The following PSMA1 variants were observed in gnomAD, a reference collection of about 807,000 sequenced individuals.
PSMA1 encodes the protein proteasome subunit alpha type-1.
Under a neutral mutation model 38.4 loss-of-function variants are expected in PSMA1, and 3 were observed. That is an observed-to-expected ratio of 0.08 (90% CI 0.04 to 0.20). The LOEUF (loss-of-function observed/expected upper bound fraction) is 0.20, where lower values mean the gene tolerates loss of function less well. PSMA1 is among the 10% of genes least tolerant of loss of function. PSMA1 has a pLI of 1.00. For synonymous variants in PSMA1, 101 were observed against 107.1 expected, an observed-to-expected ratio of 0.94 and a Z score of 0.35; for missense variants, 227 against 325.3, an observed-to-expected ratio of 0.70 and a Z score of 2.32.
intron 2 of PSMA1, among the ~76,000 whole-genome samples, chr11:14,597,294 G>A (rs186155460): frequency 1.3e-5 from 2 of 152,234 alleles, no homozygotes; most frequent in East Asian, 3.9e-4. Context: ...TTTTTCTATT[G>A]ATTGGAATAG....
intron 2 of PSMA1, among the ~76,000 whole-genome samples, chr11:14,610,561 A>T (rs2134198331): frequency 6.6e-6 from 1 of 152,320 alleles, no homozygotes; most frequent in East Asian, 1.9e-4. Flanking sequence ...ATAAGACCTT[A>T]TCTTGTCTTC....
At chr11:14,629,254 C>T (rs1023139238) in intron 1 of PSMA1, among the ~76,000 whole-genome samples, 8 of 151,970 alleles carry the variant, frequency 5.3e-5, no homozygotes, top group Non-Finnish European at 7.4e-5. Context: ...TGCCTATGTC[C>T]TGAATGGTAT....
chr11:14,615,365 G>A (rs1051327238), intron 1 of PSMA1, among the ~76,000 whole-genome samples: 3 of 152,216 alleles, frequency 2.0e-5, no homozygotes, highest in Non-Finnish European at 2.9e-5. Flanking sequence ...ACAGTAACAG[G>A]TTTCCTTGTC....
chr11:14,603,763 TTAAGTATTTATAC>T (rs1197963458), intron 2 of PSMA1, among the ~76,000 whole-genome samples: 1 of 152,170 alleles, frequency 6.6e-6, no homozygotes, highest in African/African-American at 2.4e-5. Context: ...AAGAAACAAA[TTAAGTATTTATAC>T]AAAATGCAGA....
intron 2 of PSMA1, among the ~76,000 whole-genome samples, chr11:14,596,788 A>T (rs914365566): frequency 6.6e-6 from 1 of 152,190 alleles, no homozygotes; most frequent in African/African-American, 2.4e-5. Context: ...TATGTTGAAT[A>T]GGAGTGGTGA....
At chr11:14,627,409 G>T (rs1590015698) in intron 1 of PSMA1, among the ~76,000 whole-genome samples, 1 of 152,142 alleles carries the variant, frequency 6.6e-6, no homozygotes, top group Admixed American at 6.5e-5. Context: ...AATCTCTGGG[G>T]TTAGCATTCA....
chr11:14,535,625 G>A (rs1449911601), intron 2 of PSMA1, among the ~76,000 whole-genome samples: 1 of 151,656 alleles, frequency 6.6e-6, no homozygotes, highest in Non-Finnish European at 1.5e-5. Flanking sequence ...TGTATTTTTA[G>A]TAGAGACGGG....
chr11:14,630,917 T>A (rs1424381168), intron 1 of PSMA1, among the ~76,000 whole-genome samples: 7 of 152,188 alleles, frequency 4.6e-5, no homozygotes, highest in Non-Finnish European at 8.8e-5. Context: ...TCCAGGAATT[T>A]ATCCATTTCT....
intron 2 of PSMA1, among the ~76,000 whole-genome samples, chr11:14,569,128 C>G (rs1852107468): frequency 6.6e-6 from 1 of 152,186 alleles, no homozygotes; most frequent in African/African-American, 2.4e-5. Context: ...AGTTTCTTCC[C>G]AGAAAATTGG....
intron 2 of PSMA1, among the ~76,000 whole-genome samples, chr11:14,603,351 T>C (rs556307177): frequency 7.9e-5 from 12 of 152,180 alleles, no homozygotes; most frequent in Non-Finnish European, 7.3e-5. Context: ...TACTGAACTT[T>C]TAATTAACAA....
chr11:14,631,789 G>C (rs1486631120), intron 1 of PSMA1, among the ~76,000 whole-genome samples: 1 of 151,988 alleles, frequency 6.6e-6, no homozygotes, highest in Non-Finnish European at 1.5e-5. Flanking sequence ...CATTATTAAT[G>C]TGTGGGAGTC....
At chr11:14,611,962 A>C (rs1304533588) in intron 1 of PSMA1, among the ~76,000 whole-genome samples, 1 of 152,218 alleles carries the variant, frequency 6.6e-6, no homozygotes, top group Non-Finnish European at 1.5e-5. Context: ...AGTTGGAATA[A>C]ACACTGAAAG....
At chr11:14,612,113 T>C (rs1852717258) in intron 1 of PSMA1, among the ~76,000 whole-genome samples, 1 of 152,138 alleles carries the variant, frequency 6.6e-6, no homozygotes, top group African/African-American at 2.4e-5. Context: ...GGAGTCTTGG[T>C]TGAGCTAGGA....
chr11:14,521,248 A>G (rs997255603), upstream of PSMA1, among the ~76,000 whole-genome samples: 2 of 135,904 alleles, frequency 1.5e-5, no homozygotes, highest in African/African-American at 5.5e-5. Context: ...GCTTGAACCC[A>G]GGAGTTTGAG....
At chr11:14,579,516 G>A (rs1247471548) in intron 2 of PSMA1, among the ~76,000 whole-genome samples, 5 of 135,698 alleles carry the variant, frequency 3.7e-5, no homozygotes, top group African/African-American at 5.6e-5. Context: ...TTTTAAATAA[G>A]GTAACATTAA....
rs183157125 is a variant in PSMA1 at position 14,519,226 on chromosome 11, G to A, written c.4-185C>T. The stretch of plus-strand genomic sequence containing the variant: ...TTCTACATTTACCATAAACTCGTGG[G>A]AGAGGGAGAAGCAGATCTAAATGGG... On this transcript the variant is annotated intron_variant, in intron 1 of 9. Transcript: ENST00000396394. The A allele has an allele frequency of 2.1e-3, 1,373 of 660,218 alleles. 4 individuals carry two copies. The highest frequency in any genetic ancestry group is 3.1e-3 in the Non-Finnish European group (1,105 of 356,388). The allele number at this position is 660,218 out of a possible 1,614,324, so 40.9% of individuals were successfully genotyped here.
At chr11:14,526,726 T>A (rs1422308579) in intron 2 of PSMA1, among the ~76,000 whole-genome samples, 1 of 152,146 alleles carries the variant, frequency 6.6e-6, no homozygotes, top group Non-Finnish European at 1.5e-5. Flanking sequence ...CTGACCCCCA[T>A]GACTGTATCT....
At chr11:14,570,001 G>A (rs1397949277) in intron 2 of PSMA1, among the ~76,000 whole-genome samples, 1 of 152,192 alleles carries the variant, frequency 6.6e-6, no homozygotes, top group African/African-American at 2.4e-5. Flanking sequence ...GTAGCCCTCT[G>A]AGACAAAGCT....
chr11:14,612,779 C>G (rs1045435564), intron 1 of PSMA1, among the ~76,000 whole-genome samples: 1 of 152,144 alleles, frequency 6.6e-6, no homozygotes, highest in Non-Finnish European at 1.5e-5. Context: ...ACCCAGAGAT[C>G]ATATGATCTG....
Sources: gnomAD v4.1 joint callset for allele counts (sites outside exome capture counted in the v4.1 genomes callset) on GRCh38, gnomAD v4.1.1 for gene constraint, MANE v1.5 for transcripts, NCBI Gene and HGNC (gene_info 2026-07-23, HGNC 2026-07-21) for gene names.